Variants in CLCN4 observed in about 807,000 individuals in gnomAD.
The protein encoded by CLCN4 is Cl-/H+ antiporter 4.
A neutral mutation model predicts 41.7 loss-of-function variants in CLCN4; 1 was observed. The observed-to-expected ratio is 0.02, with a 90% CI of 0.01 to 0.11. The LOEUF (loss-of-function observed/expected upper bound fraction) is 0.11. Among genes scored for constraint, CLCN4 ranks in the 10% least tolerant of loss-of-function variants. CLCN4 has a pLI of 1.00. For synonymous variants in CLCN4, 277 were observed against 285.8 expected, an observed-to-expected ratio of 0.97 and a Z score of 0.31; for missense variants, 287 against 661.0, an observed-to-expected ratio of 0.43 and a Z score of 6.20.
chrX:10,214,929 C>G (rs1284275575), intron 11 of CLCN4, among the ~76,000 whole-genome samples: 1 of 111,515 alleles, frequency 9.0e-6, no homozygotes, highest in Non-Finnish European at 1.9e-5. Context: ...GTTGCTGGGA[C>G]CCCAGGCAAG....
chrX:10,188,577 C>G (rs1046428960), intron 4 of CLCN4, among the ~76,000 whole-genome samples: 1 of 112,511 alleles, frequency 8.9e-6, no homozygotes, highest in African/African-American at 3.2e-5. Context: ...TTTCCTGAAA[C>G]TTATGTCCTT....
intron 2 of CLCN4, among the ~76,000 whole-genome samples, chrX:10,174,824 C>T (rs937747772): frequency 8.9e-6 from 1 of 112,126 alleles, no homozygotes; most frequent in Admixed American, 9.4e-5. Flanking sequence ...TCTTTTGTCC[C>T]CTCCCCAGTC....
intron 11 of CLCN4, among the ~76,000 whole-genome samples, chrX:10,220,088 A>G (rs745817219): frequency 9.0e-6 from 1 of 111,467 alleles, no homozygotes; most frequent in South Asian, 3.8e-4. Flanking sequence ...GGGGGGATGC[A>G]GCTTTTCTGG....
chrX:10,219,698 T>C (rs1206347623), intron 11 of CLCN4, among the ~76,000 whole-genome samples: 2 of 112,188 alleles, frequency 1.8e-5, no homozygotes, highest in African/African-American at 6.5e-5. Flanking sequence ...TATAGGTGAA[T>C]AGTAGTCTTT....
At chrX:10,193,807 C>T (rs1924027633) in intron 4 of CLCN4, among the ~76,000 whole-genome samples, 1 of 111,226 alleles carries the variant, frequency 9.0e-6, no homozygotes, top group Admixed American at 9.5e-5. Context: ...AGATTTGGCC[C>T]ATGGGCTGTA....
chrX:10,204,365 A>G (rs538398437), intron 6 of CLCN4, among the ~76,000 whole-genome samples: 1 of 112,361 alleles, frequency 8.9e-6, no homozygotes, highest in African/African-American at 3.2e-5. Flanking sequence ...GATGGATTCA[A>G]ACATCTTTAC....
At chrX:10,179,751 A>G (rs776545864) in intron 2 of CLCN4, among the ~76,000 whole-genome samples, 1 of 112,502 alleles carries the variant, frequency 8.9e-6, no homozygotes, top group East Asian at 2.8e-4. Flanking sequence ...AACATTTATG[A>G]AGCGCTAACC....
intron 12 of CLCN4, 102 bp from the exon 13 acceptor site, chrX:10,233,392 G>A: frequency 1.7e-6 from 1 of 576,727 alleles, no homozygotes; most frequent in Non-Finnish European, 2.9e-6. Flanking sequence ...GGGAAATGTT[G>A]TCTGTCTCTG....
intron 5 of CLCN4, among the ~76,000 whole-genome samples, chrX:10,197,134 A>G (rs997957584): frequency 8.9e-6 from 1 of 112,022 alleles, no homozygotes; most frequent in African/African-American, 3.2e-5. Flanking sequence ...AGGTCTAGAG[A>G]GTGTGGTCTG....
chrX:10,224,556 C>T (rs750682645), intron 12 of CLCN4, among the ~76,000 whole-genome samples: 7 of 109,605 alleles, frequency 6.4e-5, no homozygotes, highest in East Asian at 2.8e-4. Flanking sequence ...CCAAGGCAGG[C>T]GCTCCGGGGG....
At chrX:10,171,837 T>C (rs898436954) in intron 2 of CLCN4, among the ~76,000 whole-genome samples, 13 of 111,791 alleles carry the variant, frequency 1.2e-4, no homozygotes, top group Non-Finnish European at 1.9e-4. Context: ...TGAGACAACA[T>C]GTGTGAAATG....
intron 2 of CLCN4, among the ~76,000 whole-genome samples, chrX:10,171,139 C>T (rs1213159726): frequency 8.9e-6 from 1 of 112,147 alleles, no homozygotes; most frequent in Non-Finnish European, 1.9e-5. Context: ...CCACCCACCT[C>T]GGCCTCTCAA....
chrX:10,199,089 A>C (rs749019820), intron 6 of CLCN4, among the ~76,000 whole-genome samples: 15 of 112,683 alleles, frequency 1.3e-4, no homozygotes, highest in African/African-American at 4.8e-4. Context: ...TTAATATGTC[A>C]TGCTGAATTT....
chrX:10,183,083 C>T lies in CLCN4; in HGVS notation c.-11-1939C>T, dbSNP rs771836864. 6.4e-4 allele frequency among the ~76,000 whole-genome samples: 71 copies of T among 111,743 alleles called. 1 individual carries two copies. Among genetic ancestry groups the T allele is most frequent in the Non-Finnish European group, 9.2e-4 (49 of 53,180 alleles). ...GTTTTTCCCATCAGAGATTTTCTTT[C>T]CCACATATATTAAGAGGTTATTTTC... is the stretch of plus-strand genomic sequence containing the variant. On this transcript the variant is annotated intron_variant, in intron 2 of 12. Coordinates refer to ENST00000380833, the MANE Select transcript of CLCN4 (RefSeq NM_001830.4).
intron 12 of CLCN4, among the ~76,000 whole-genome samples, chrX:10,221,210 A>G (rs189519519): frequency 8.9e-6 from 1 of 111,788 alleles, no homozygotes; most frequent in East Asian, 2.8e-4. Context: ...AGGTTCTGCT[A>G]TAACGTGATG....
rs765028935 is a variant in CLCN4 at position 10,208,264 on chromosome X, G to A, written c.1063G>A (p.Ala355Thr). 2.5e-5 allele frequency: 30 copies of A among 1,208,768 alleles called. No individual in the cohort carries two copies. In the South Asian group the frequency reaches 4.1e-4, roughly 16 times the overall value. ...AACCCTCTTCATCCGCTGCAACATC[G>A]CCTGGTGCAGGAGGCGCAAGACCAC... is the stretch of plus-strand genomic sequence containing the variant. ...WGTLFIRCNI[A>T]WCRRRKTTRL... The change falls in exon 9 of 13, where the codon GCC becomes ACC. Residue 355 changes from alanine (A) to threonine (T), a missense_variant. Ala to Thr is a moderately conservative substitution (Grantham distance 58). Coordinates refer to ENST00000380833, the MANE Select transcript of CLCN4 (RefSeq NM_001830.4).
At chrX:10,169,536 A>G (rs1039392231) in intron 2 of CLCN4, among the ~76,000 whole-genome samples, 1 of 112,205 alleles carries the variant, frequency 8.9e-6, no homozygotes, top group Admixed American at 9.4e-5. Context: ...CAGTAAGGAA[A>G]GGCAAGGTAT....
chrX:10,233,590 A>G lies in CLCN4; in HGVS notation c.*6A>G, dbSNP rs757512026. Reference sequence around the variant, plus strand: ...AATCCATCATGTTTAATTAGCAACAAGGTGGCAATTATTTTCAGAAAAACA... The same window carrying G: ...AATCCATCATGTTTAATTAGCAACAGGGTGGCAATTATTTTCAGAAAAACA... On this transcript the variant is annotated 3_prime_UTR_variant, in exon 13 of 13. Coordinates refer to ENST00000380833, the MANE Select transcript of CLCN4 (RefSeq NM_001830.4). 3.4e-6 allele frequency: 4 copies of G among 1,164,863 alleles called. No homozygotes were observed. The African/African-American group carries it at 5.3e-5, about 15-fold the overall frequency.
In CLCN4 at chrX:10,237,524, G is replaced by A. The variant is rs897558649; in HGVS notation, c.*3940G>A. On this transcript the variant is annotated 3_prime_UTR_variant, in exon 13 of 13. Coordinates refer to ENST00000380833, the MANE Select transcript of CLCN4 (RefSeq NM_001830.4). ...TGAGATATATTCACATTTGGTGTTGGAACGACCACATAGCAACGTGTTGGT... is the reference window on the plus strand; with the variant it reads ...TGAGATATATTCACATTTGGTGTTGAAACGACCACATAGCAACGTGTTGGT... 5.2e-4 allele frequency: 55 copies of A among 105,455 alleles called. 1 individual carries two copies. Among genetic ancestry groups the A allele is most frequent in the African/African-American group, 1.8e-3 (55 of 29,995 alleles). The allele number at this position is 105,455 out of a possible 1,213,427, so 8.7% of individuals were successfully genotyped here.
Sources: gnomAD v4.1 joint callset for allele counts (sites outside exome capture counted in the v4.1 genomes callset) on GRCh38, gnomAD v4.1.1 for gene constraint, MANE v1.5 for transcripts, NCBI Gene and HGNC (gene_info 2026-07-23, HGNC 2026-07-21) for gene names.